The following TMEM132D variants were observed in gnomAD, a reference collection of about 807,000 sequenced individuals.
TMEM132D encodes the protein mature OL transmembrane protein.
Under a neutral mutation model 62.3 loss-of-function variants are expected in TMEM132D, and 21 were observed. The observed-to-expected ratio is 0.34, with a 90% CI of 0.24 to 0.49. The LOEUF is 0.49. Among genes scored for constraint, TMEM132D ranks in the 20% least tolerant of loss-of-function variants. The probability of loss-of-function intolerance (pLI) is 0.99; values close to 1 mark genes in which losing one functional copy is unlikely to be tolerated. For synonymous variants in TMEM132D, 621 were observed against 575.6 expected, an observed-to-expected ratio of 1.08 and a Z score of -1.13; for missense variants, 1,346 against 1,402.8, an observed-to-expected ratio of 0.96 and a Z score of 0.65.
chr12:129,134,089 T>C (rs12822165), intron 5 of TMEM132D, among the ~76,000 whole-genome samples: 12,946 of 147,342 alleles, frequency 0.088, 580 homozygotes, highest in Admixed American at 0.11. Context: ...GTGTGTTGTA[T>C]GTGTGTGTGT....
chr12:129,713,243 A>G (rs1461278723), intron 1 of TMEM132D, among the ~76,000 whole-genome samples: 1 of 152,170 alleles, frequency 6.6e-6, no homozygotes, highest in Non-Finnish European at 1.5e-5. Flanking sequence ...AGAGTCTGAT[A>G]TGTGCTCAAG....
chr12:129,725,087 C>T (rs1868983916), intron 1 of TMEM132D, among the ~76,000 whole-genome samples: 1 of 152,116 alleles, frequency 6.6e-6, no homozygotes, highest in African/African-American at 2.4e-5. Flanking sequence ...TAAGTGTGCC[C>T]AAGACAGTGG....
At chr12:129,231,580 T>G (rs1037984944) in intron 4 of TMEM132D, among the ~76,000 whole-genome samples, 8 of 152,196 alleles carry the variant, frequency 5.3e-5, no homozygotes, top group Non-Finnish European at 1.2e-4. Context: ...GATACATCAT[T>G]ATTATTTTTT....
At chr12:129,593,205 C>T (rs894208121) in intron 2 of TMEM132D, among the ~76,000 whole-genome samples, 2 of 152,204 alleles carry the variant, frequency 1.3e-5, no homozygotes, top group Non-Finnish European at 2.9e-5. Context: ...TTCTGACTTT[C>T]AAGCTTAGAA....
chr12:129,815,457 G>A (rs146594607), intron 1 of TMEM132D, among the ~76,000 whole-genome samples: 10 of 152,272 alleles, frequency 6.6e-5, no homozygotes, highest in African/African-American at 2.2e-4. Context: ...AATCACAACC[G>A]AACCCAAGCC....
At chr12:129,554,238 TG>T (rs1448757369) in intron 2 of TMEM132D, among the ~76,000 whole-genome samples, 2 of 152,218 alleles carry the variant, frequency 1.3e-5, no homozygotes, top group African/African-American at 4.8e-5. Flanking sequence ...CTTTCTCATC[TG>T]GCTGGTGGCC....
chr12:129,802,083 G>T (rs911777823), intron 1 of TMEM132D, among the ~76,000 whole-genome samples: 17 of 149,176 alleles, frequency 1.1e-4, no homozygotes, highest in Non-Finnish European at 2.1e-4. Context: ...GAAAGTGATG[G>T]GGAGAATGGA....
At chr12:129,125,273 A>G (rs1054703638) in intron 5 of TMEM132D, among the ~76,000 whole-genome samples, 2 of 152,154 alleles carry the variant, frequency 1.3e-5, no homozygotes, top group African/African-American at 4.8e-5. Context: ...TGTGATCAGA[A>G]AGGAGAAGTT....
chr12:129,462,834 T>C (rs1873725313), intron 3 of TMEM132D, among the ~76,000 whole-genome samples: 1 of 152,188 alleles, frequency 6.6e-6, no homozygotes, highest in African/African-American at 2.4e-5. Context: ...CCCATTGGAT[T>C]CCAAGCCTTT....
At position 129,657,352 on chromosome 12, in the gene TMEM132D, C is replaced by T. The variant is rs143380810; in HGVS notation, c.968+42458G>A. Among the ~76,000 whole-genome samples the T allele has an allele frequency of 3.0e-3, 453 of 152,120 alleles. 1 individual carries two copies. The highest frequency in any genetic ancestry group is 5.5e-3 in the Non-Finnish European group (371 of 68,000). On this transcript the variant is annotated intron_variant, in intron 2 of 8. Transcript: ENST00000422113. The stretch of plus-strand genomic sequence containing the variant: ...ATGGGATAGGATGGGGCTGATCTCA[C>T]ATTTCCACCGTCAACTGGTTAAGTC...
intron 4 of TMEM132D, among the ~76,000 whole-genome samples, chr12:129,257,913 C>T (rs1450753804): frequency 6.6e-6 from 1 of 152,126 alleles, no homozygotes; most frequent in East Asian, 1.9e-4. Flanking sequence ...TCAGAGGCTC[C>T]CCGGACAGTA....
intron 2 of TMEM132D, among the ~76,000 whole-genome samples, chr12:129,630,432 G>T (rs942486160): frequency 1.3e-4 from 20 of 152,174 alleles, no homozygotes; most frequent in African/African-American, 4.8e-4. Context: ...CTTGATATGG[G>T]GGTTGTTTTA....
rs71085576 is a variant in TMEM132D at position 129,831,876 on chromosome 12, C to CTTTTTTTT, written c.79+71377_79+71384dup. ...CTTTTCTTTTTCTTTCTTTCTTTTT[C>CTTTTTTTT]TTTTTTTTTTTTGAGACTGAGTCTT... On this transcript the variant is annotated intron_variant, in intron 1 of 8. Coordinates refer to ENST00000422113, the MANE Select transcript of TMEM132D (RefSeq NM_133448.3). 6.2e-4 allele frequency among the ~76,000 whole-genome samples: 84 copies of CTTTTTTTT among 134,910 alleles called. 1 individual carries two copies. The highest frequency in any genetic ancestry group is 2.3e-3 in the African/African-American group (82 of 36,228). The allele number at this position is 134,910 out of a possible 152,430, so 88.5% of individuals were successfully genotyped here.
intron 1 of TMEM132D, among the ~76,000 whole-genome samples, chr12:129,701,860 C>T (rs779971839): frequency 2.6e-4 from 40 of 152,224 alleles, no homozygotes; most frequent in Non-Finnish European, 4.4e-5. Context: ...CGCAAACACA[C>T]ATCTGGAAGC....
Position 129,620,928 on chromosome 12 carries a change from G to A in TMEM132D, c.968+78882C>T, listed in dbSNP as rs538028711. Among the ~76,000 whole-genome samples, 10 of 152,274 alleles carry A rather than the reference G, an allele frequency of 6.6e-5. 1 individual carries two copies. Among genetic ancestry groups the A allele is most frequent in the African/African-American group, 2.2e-4 (9 of 41,530 alleles). On this transcript the variant is annotated intron_variant, in intron 2 of 8. Transcript: ENST00000422113. ...GGCACAGCAAACCACCGTGGCACACGTTTACCTATGTAACAAATCTGCACA... is the reference window on the plus strand; with the variant it reads ...GGCACAGCAAACCACCGTGGCACACATTTACCTATGTAACAAATCTGCACA...
At chr12:129,470,255 T>C (rs910021274) in intron 3 of TMEM132D, among the ~76,000 whole-genome samples, 1 of 152,230 alleles carries the variant, frequency 6.6e-6, no homozygotes, top group East Asian at 1.9e-4. Flanking sequence ...ACAATTCCCC[T>C]GGGCAACTGT....
At chr12:129,227,226 G>A (rs1043726740) in intron 4 of TMEM132D, among the ~76,000 whole-genome samples, 1 of 142,992 alleles carries the variant, frequency 7.0e-6, no homozygotes, top group Non-Finnish European at 1.6e-5. Flanking sequence ...AACTGCTACA[G>A]AAGATGCCAA....
intron 4 of TMEM132D, among the ~76,000 whole-genome samples, chr12:129,267,006 G>A (rs992301619): frequency 1.3e-5 from 2 of 152,082 alleles, no homozygotes; most frequent in East Asian, 1.9e-4. Context: ...AGCTGCTTCT[G>A]ATCACACCTT....
At chr12:129,314,387 T>A (rs1202319033) in intron 4 of TMEM132D, among the ~76,000 whole-genome samples, 1 of 152,206 alleles carries the variant, frequency 6.6e-6, no homozygotes, top group African/African-American at 2.4e-5. Context: ...TTCCCCACTT[T>A]ATGTTTTTGT....
Sources: gnomAD v4.1 joint callset for allele counts (sites outside exome capture counted in the v4.1 genomes callset) on GRCh38, gnomAD v4.1.1 for gene constraint, MANE v1.5 for transcripts, NCBI Gene and HGNC (gene_info 2026-07-23, HGNC 2026-07-21) for gene names.